Variants in CDH4 observed in about 807,000 individuals in gnomAD.
CDH4 encodes cadherin 4, also known as cadherin-4.
In CDH4, 33 loss-of-function variants were observed where a neutral mutation model predicts 86.0. The ratio of observed to expected loss-of-function variants is 0.38; its 90% CI spans 0.29 to 0.51. The LOEUF (loss-of-function observed/expected upper bound fraction) is 0.51. CDH4 is among the 20% of genes least tolerant of loss of function. The pLI, the probability that CDH4 is intolerant of heterozygous loss-of-function variation, is 0.86. For missense variants in CDH4, 1,114 were observed against 1,307.4 expected (o/e 0.85, Z 2.28); for synonymous variants, 555 against 549.4 (o/e 1.01, Z -0.14).
chr20:61,576,080 G>A (rs1171093640), intron 2 of CDH4, among the ~76,000 whole-genome samples: 3 of 152,182 alleles, frequency 2.0e-5, no homozygotes, highest in African/African-American at 7.2e-5. Context: ...GGGGTCCAGA[G>A]GGTGTGCTCC....
chr20:61,905,237 G>A (rs1438084988), intron 8 of CDH4, among the ~76,000 whole-genome samples: 6 of 152,214 alleles, frequency 3.9e-5, no homozygotes, highest in Non-Finnish European at 8.8e-5. Flanking sequence ...CTGGGGGAAG[G>A]TTAATAAGAA....
At chr20:61,286,580 G>A (rs1286981128) in intron 2 of CDH4, among the ~76,000 whole-genome samples, 2 of 152,216 alleles carry the variant, frequency 1.3e-5, no homozygotes, top group Non-Finnish European at 2.9e-5. Flanking sequence ...CAAACCTCCT[G>A]CTCGGCAGCT....
At chr20:61,271,546 C>T (rs903395429) in intron 2 of CDH4, among the ~76,000 whole-genome samples, 2 of 152,212 alleles carry the variant, frequency 1.3e-5, no homozygotes, top group Non-Finnish European at 2.9e-5. Context: ...AGCCACAGGC[C>T]GTGGCTTTGC....
At chr20:61,307,218 C>T (rs1285541795) in intron 2 of CDH4, among the ~76,000 whole-genome samples, 1 of 152,232 alleles carries the variant, frequency 6.6e-6, no homozygotes, top group Non-Finnish European at 1.5e-5. Context: ...AGCTTGCACT[C>T]AGCACCTACA....
intron 2 of CDH4, among the ~76,000 whole-genome samples, chr20:61,603,956 C>T (rs1190119964): frequency 2.0e-5 from 3 of 152,118 alleles, no homozygotes; most frequent in African/African-American, 7.2e-5. Context: ...GGCACACACA[C>T]ATGTACATGA....
intron 2 of CDH4, among the ~76,000 whole-genome samples, chr20:61,574,592 A>G (rs575701283): frequency 1.8e-4 from 28 of 152,288 alleles, no homozygotes; most frequent in African/African-American, 6.7e-4. Flanking sequence ...CAGTGTAAGT[A>G]TAAAAATATT....
chr20:61,543,503 A>T (rs1269588365), intron 2 of CDH4, among the ~76,000 whole-genome samples: 6 of 152,252 alleles, frequency 3.9e-5, no homozygotes, highest in African/African-American at 1.4e-4. Flanking sequence ...AACTCTGCTA[A>T]TCTCACAACC....
chr20:61,634,682 G>A (rs111907701), intron 2 of CDH4, among the ~76,000 whole-genome samples: 10 of 152,322 alleles, frequency 6.6e-5, no homozygotes, highest in Non-Finnish European at 1.0e-4. Context: ...TAACATAAGC[G>A]TTCGTTTTAA....
chr20:61,770,009 A>C (rs564888317), intron 3 of CDH4, among the ~76,000 whole-genome samples: 3 of 152,172 alleles, frequency 2.0e-5, no homozygotes, highest in Non-Finnish European at 2.9e-5. Flanking sequence ...CTCATCGGAC[A>C]TTCAGTACCT....
Position 61,902,558 on chromosome 20 carries a change from A to G in CDH4, c.1188+7511A>G, listed in dbSNP as rs932909430. ...TTTTCTTGAATGGTCTGGAGAGTAA[A>G]TGTTTGCGCTTTGGCTGCCGGAAGG... is the stretch of plus-strand genomic sequence containing the variant. On this transcript the variant is annotated intron_variant, in intron 8 of 15. Coordinates refer to ENST00000614565, the MANE Select transcript of CDH4 (RefSeq NM_001794.5). The surrounding 1 kb of genome is among the most constrained non-coding windows in gnomAD (Gnocchi z 4.6). Among the ~76,000 whole-genome samples, 2 of 152,190 alleles carry G rather than the reference A, an allele frequency of 1.3e-5. No homozygotes were observed. The highest frequency in any genetic ancestry group is 2.1e-4 in the South Asian group (1 of 4,832).
chr20:61,877,676 T>C (rs563859569), intron 7 of CDH4, among the ~76,000 whole-genome samples: 2 of 152,284 alleles, frequency 1.3e-5, no homozygotes, highest in East Asian at 1.9e-4. Flanking sequence ...GTTATTTTCC[T>C]TGATGATCCT....
intron 2 of CDH4, among the ~76,000 whole-genome samples, chr20:61,347,571 G>C (rs2123293447): frequency 6.6e-6 from 1 of 152,360 alleles, no homozygotes; most frequent in Admixed American, 6.5e-5. Context: ...TATTTAAAAT[G>C]AATTAGACCT....
chr20:61,682,027 G>A (rs2087520484), intron 2 of CDH4, among the ~76,000 whole-genome samples: 1 of 152,236 alleles, frequency 6.6e-6, no homozygotes, highest in African/African-American at 2.4e-5. Flanking sequence ...GCTAGCAGTT[G>A]CTGTATCCTG....
At chr20:61,537,680 G>C (rs2086007759) in intron 2 of CDH4, among the ~76,000 whole-genome samples, 1 of 152,182 alleles carries the variant, frequency 6.6e-6, no homozygotes, top group Admixed American at 6.5e-5. Flanking sequence ...GTTGTGAGGG[G>C]TGTTTTTTAA....
intron 2 of CDH4, among the ~76,000 whole-genome samples, chr20:61,367,317 GC>G (rs774811793): frequency 6.6e-6 from 1 of 152,226 alleles, no homozygotes; most frequent in African/African-American, 2.4e-5. Flanking sequence ...TGTAAACAAG[GC>G]TGACACAAGA....
At chr20:61,344,929 C>T (rs1665690045) in intron 2 of CDH4, among the ~76,000 whole-genome samples, 1 of 152,334 alleles carries the variant, frequency 6.6e-6, no homozygotes, top group Middle Eastern at 3.4e-3. Flanking sequence ...TCTGCGCCGG[C>T]TATTGACCCG....
intron 2 of CDH4, among the ~76,000 whole-genome samples, chr20:61,509,921 G>A (rs1353178617): frequency 1.3e-5 from 2 of 152,028 alleles, no homozygotes; most frequent in Non-Finnish European, 2.9e-5. Flanking sequence ...TATTTTAGGG[G>A]TAAAAAAGGG....
intron 2 of CDH4, among the ~76,000 whole-genome samples, chr20:61,416,282 G>A (rs1859381194): frequency 1.3e-5 from 2 of 152,212 alleles, no homozygotes; most frequent in African/African-American, 4.8e-5. Context: ...TTACAGGCGT[G>A]AGCCACCGGG....
At position 61,889,928 on chromosome 20, in the gene CDH4, G is replaced by A. The variant is rs115506746; in HGVS notation, c.1051-4982G>A. On this transcript the variant is annotated intron_variant, in intron 7 of 15. Coordinates refer to ENST00000614565, the MANE Select transcript of CDH4 (RefSeq NM_001794.5). ...TAGATGATGGATGGGTAGATGGATC[G>A]ATGATGGATGAGTGAGTGGATGGTT... 2.4e-3 allele frequency among the ~76,000 whole-genome samples: 350 copies of A among 146,164 alleles called. 3 individuals are homozygous for A. The highest frequency in any genetic ancestry group is 6.6e-3 in the African/African-American group (261 of 39,372).
Sources: gnomAD v4.1 joint callset for allele counts (sites outside exome capture counted in the v4.1 genomes callset) on GRCh38, gnomAD v4.1.1 for gene constraint, Gnocchi (gnomAD v3.1) non-coding constraint, MANE v1.5 for transcripts, NCBI Gene and HGNC (gene_info 2026-07-23, HGNC 2026-07-21) for gene names.